Variants in XIRP2 observed in about 807,000 individuals in gnomAD.
XIRP2 encodes the protein xin actin binding repeat containing 2.
A neutral mutation model predicts 277.0 loss-of-function variants in XIRP2; 236 were observed. The observed-to-expected ratio is 0.85, with a 90% CI of 0.77 to 0.95. The LOEUF (loss-of-function observed/expected upper bound fraction) is 0.95. Ranked by LOEUF, XIRP2 falls within the 40% of genes least tolerant of loss-of-function variation. XIRP2 has a pLI of 0.00. For missense variants in XIRP2, 4,640 were observed against 4,157.5 expected, an observed-to-expected ratio of 1.12 and a Z score of -3.19; for synonymous variants, 1,490 against 1,416.5, an observed-to-expected ratio of 1.05 and a Z score of -1.17.
chr2:167,238,064 A>C (rs1200869583), intron 5 of XIRP2, among the ~76,000 whole-genome samples: 1 of 152,198 alleles, frequency 6.6e-6, no homozygotes. Flanking sequence ...CAAGAAACTA[A>C]AGCACTTTGT....
chr2:166,898,468 A>G (rs1684298901), intron 1 of XIRP2, among the ~76,000 whole-genome samples: 1 of 152,228 alleles, frequency 6.6e-6, no homozygotes, highest in East Asian at 1.9e-4. Context: ...TGACTACCTA[A>G]TCACTTTTTT....
intron 2 of XIRP2, among the ~76,000 whole-genome samples, chr2:167,050,100 C>G (rs1033193729): frequency 6.6e-6 from 1 of 152,010 alleles, no homozygotes; most frequent in African/African-American, 2.4e-5. Context: ...CCATGTGGAA[C>G]AGTATACTAT....
At chr2:167,008,033 C>A (rs1687553576) in intron 2 of XIRP2, among the ~76,000 whole-genome samples, 1 of 151,296 alleles carries the variant, frequency 6.6e-6, no homozygotes, top group African/African-American at 2.4e-5. Flanking sequence ...TTCTGTTTGT[C>A]TTCTTAAAGG....
intron 2 of XIRP2, among the ~76,000 whole-genome samples, chr2:167,009,623 C>A (rs1687607902): frequency 6.6e-6 from 1 of 151,938 alleles, no homozygotes. Flanking sequence ...AGTTCTAGAT[C>A]CCTGAGGAAT....
In XIRP2 at chr2:167,258,048, C is replaced by T; in HGVS notation, c.*231C>T. 6.2e-7 allele frequency: 1 copy of T among 1,612,862 alleles called. No individual in the cohort carries two copies. The highest frequency in any genetic ancestry group is 8.5e-7 in the Non-Finnish European group (1 of 1,179,468). Reference sequence around the variant, plus strand: ...GAACCAAATATGTGTAAAAATATTGCAGAAAACACCCTTGTACCTGGAGAT... The same window carrying T: ...GAACCAAATATGTGTAAAAATATTGTAGAAAACACCCTTGTACCTGGAGAT... On this transcript the variant is annotated 3_prime_UTR_variant, in exon 11 of 11. Transcript: ENST00000409195.
At chr2:166,914,134 G>A (rs1463811367) in intron 2 of XIRP2, among the ~76,000 whole-genome samples, 1 of 152,204 alleles carries the variant, frequency 6.6e-6, no homozygotes, top group Non-Finnish European at 1.5e-5. Context: ...CAGATTGAGA[G>A]AGTCGGAGGA....
rs748142877 is a variant in XIRP2, at chr2:167,247,117, A to G, written c.5725A>G (p.Lys1909Glu). 11 of 1,613,378 alleles carry G rather than the reference A, an allele frequency of 6.8e-6. No individual in the cohort carries two copies. Among genetic ancestry groups the G allele is most frequent in the African/African-American group, 1.3e-5 (1 of 74,828 alleles). Reference protein sequence around the residue: ...IECLEKATNTKTEILKKELLK... With the variant: ...IECLEKATNTETEILKKELLK... ...ATGCCTTGAAAAAGCTACAAATACA[A>G]AGACAGAAATTCTGAAAAAGGAGCT... The change falls in exon 9 of 11, where the codon AAG becomes GAG. Residue 1909 changes from lysine (K) to glutamate (E), a missense_variant. By Grantham distance (56) the Lys-to-Glu change is moderately conservative. Transcript: ENST00000409195.
chr2:166,919,044 C>T (rs1381063412), intron 2 of XIRP2, among the ~76,000 whole-genome samples: 1 of 152,076 alleles, frequency 6.6e-6, no homozygotes, highest in Admixed American at 6.6e-5. Context: ...GTGGAGGTGG[C>T]TGTAAACAAC....
chr2:167,252,086 C>A, intron 9 of XIRP2, 139 bp downstream of exon 9: 2 of 1,281,252 alleles, frequency 1.6e-6, no homozygotes, highest in Non-Finnish European at 2.1e-6. Flanking sequence ...CCCATGTATG[C>A]TTATAGACTC....
intron 2 of XIRP2, among the ~76,000 whole-genome samples, chr2:167,023,542 C>T (rs1688050383): frequency 6.6e-6 from 1 of 152,032 alleles, no homozygotes; most frequent in Non-Finnish European, 1.5e-5. Context: ...TGCCTATGTC[C>T]TGAATGGTAA....
At chr2:167,190,240 T>A (rs1387370713) in intron 3 of XIRP2, among the ~76,000 whole-genome samples, 1 of 152,152 alleles carries the variant, frequency 6.6e-6, no homozygotes, top group Non-Finnish European at 1.5e-5. Context: ...AGTGACTAAA[T>A]CATTGACCAT....
At chr2:166,896,138 T>C (rs1320246325) in intron 1 of XIRP2, among the ~76,000 whole-genome samples, 1 of 152,190 alleles carries the variant, frequency 6.6e-6, no homozygotes, top group African/African-American at 2.4e-5. Flanking sequence ...GCATATACGG[T>C]GGTGGTCCCC....
At chr2:166,922,463 C>T (rs558756779) in intron 2 of XIRP2, among the ~76,000 whole-genome samples, 41 of 152,166 alleles carry the variant, frequency 2.7e-4, no homozygotes, top group Non-Finnish European at 5.0e-4. Flanking sequence ...TTGTGACTCT[C>T]CAGTATTGAG....
At position 166,903,542 on chromosome 2, in the gene XIRP2, T is replaced by C; in HGVS notation, c.60T>C (p.Asp20=). 1 of 1,613,554 alleles carries C rather than the reference T, an allele frequency of 6.2e-7. No homozygotes were observed. The highest frequency in any genetic ancestry group is 8.5e-7 in the Non-Finnish European group (1 of 1,179,712). ...NLLRQKWESC[D]YQRSECHPRD... ...TGAGGCAGAAATGGGAATCTTGTGA[T>C]TATCAGAGAAGTGAGTGTCATCCCA... Residue 20 remains aspartate (D), a synonymous_variant, in exon 2 of 11, where the codon GAT becomes GAC. Transcript: ENST00000409195.
At chr2:166,969,486 A>C (rs1686517197) in intron 2 of XIRP2, among the ~76,000 whole-genome samples, 1 of 151,902 alleles carries the variant, frequency 6.6e-6, no homozygotes. Context: ...TAATTCCAAA[A>C]TCCTGCTGGG....
At chr2:167,150,014 A>G (rs1383913844) in intron 3 of XIRP2, among the ~76,000 whole-genome samples, 2 of 151,962 alleles carry the variant, frequency 1.3e-5, no homozygotes, top group African/African-American at 4.8e-5. Flanking sequence ...TATATTCACT[A>G]TTTGAGTGAT....
chr2:166,932,099 A>C (rs1029132255), intron 2 of XIRP2, among the ~76,000 whole-genome samples: 1 of 151,870 alleles, frequency 6.6e-6, no homozygotes, highest in Non-Finnish European at 1.5e-5. Context: ...CATCATATTA[A>C]ATTGGTTTTT....
intron 2 of XIRP2, chr2:167,124,511 AC>A (rs1161055786): frequency 6.6e-6 from 1 of 152,156 alleles, no homozygotes; most frequent in Non-Finnish European, 1.5e-5. Context: ...CATTTGACAA[AC>A]ATTTAGTAAG....
At chr2:167,123,778 T>C (rs1359048380) in intron 2 of XIRP2, 1 of 152,184 alleles carries the variant, frequency 6.6e-6, no homozygotes, top group Non-Finnish European at 1.5e-5. Flanking sequence ...AGACTGGCCA[T>C]CCTAATGGCC....
Sources: allele counts gnomAD v4.1 joint callset (sites outside exome capture counted in the v4.1 genomes callset), GRCh38; gene constraint gnomAD v4.1.1; transcripts MANE v1.5; gene names NCBI Gene and HGNC (gene_info 2026-07-23, HGNC 2026-07-21).